Variants in FAM120A observed in about 807,000 individuals in gnomAD.
FAM120A encodes the protein family with sequence similarity 120 member A.
FAM120A carries 15 observed loss-of-function variants against 109.7 expected under a neutral mutation model. The ratio of observed to expected loss-of-function variants is 0.14; its 90% CI spans 0.09 to 0.21. FAM120A has a LOEUF of 0.21. FAM120A is among the 10% of genes least tolerant of loss of function. The probability of loss-of-function intolerance (pLI) is 1.00; values close to 1 mark genes in which losing one functional copy is unlikely to be tolerated. For missense variants in FAM120A, 899 were observed against 1,439.3 expected (o/e 0.62, Z 6.07); for synonymous variants, 493 against 572.8 (o/e 0.86, Z 1.99).
chr9:93,539,508 T>A (rs897823956), intron 10 of FAM120A, among the ~76,000 whole-genome samples: 1 of 152,208 alleles, frequency 6.6e-6, no homozygotes, highest in African/African-American at 2.4e-5. Flanking sequence ...TCTTACTGTT[T>A]TAATAAGACT....
chr9:93,476,162 T>A (rs534692780), intron 2 of FAM120A, 94 bp from the exon 3 acceptor site: 2 of 751,850 alleles, frequency 2.7e-6, no homozygotes, highest in Admixed American at 5.0e-5. Flanking sequence ...TGTTTGAAAG[T>A]TTTCTACTAT....
At chr9:93,562,790 G>A (rs953300114) in intron 17 of FAM120A, among the ~76,000 whole-genome samples, 2 of 150,250 alleles carry the variant, frequency 1.3e-5, no homozygotes, top group East Asian at 2.0e-4. Flanking sequence ...TCAGCCTCCC[G>A]AATAGCTGGG....
intron 2 of FAM120A, among the ~76,000 whole-genome samples, chr9:93,473,648 C>T (rs114173312): frequency 0.015 from 2,339 of 152,286 alleles, 69 homozygotes; most frequent in African/African-American, 0.054. Flanking sequence ...GAAAGCATTT[C>T]ATGTTTTACT....
chr9:93,546,322 T>C (rs1861888341), intron 11 of FAM120A, among the ~76,000 whole-genome samples: 1 of 152,184 alleles, frequency 6.6e-6, no homozygotes, highest in African/African-American at 2.4e-5. Context: ...CACCATATAC[T>C]TGACCTAAGG....
chr9:93,458,882 T>C (rs1857668924), intron 1 of FAM120A, among the ~76,000 whole-genome samples: 1 of 152,188 alleles, frequency 6.6e-6, no homozygotes. Flanking sequence ...CCAAATTCCT[T>C]ATTCAGACTT....
In FAM120A at chr9:93,492,180, G is replaced by GTA. The variant is rs370267515; in HGVS notation, c.805-5277_805-5276dup. ...TTATACAGGTTGTGTGTGTGTGTGT[G>GTA]TATATATATATATATGTATATATAG... On this transcript the variant is annotated intron_variant, in intron 3 of 17. Coordinates refer to ENST00000277165, the MANE Select transcript of FAM120A (RefSeq NM_014612.5). Among the ~76,000 whole-genome samples, 295 of 150,104 alleles carry GTA rather than the reference G, an allele frequency of 2.0e-3. 1 individual carries two copies. The highest frequency in any genetic ancestry group is 3.8e-3 in the African/African-American group (156 of 40,534).
chr9:93,453,466 C>T (rs1857384341), intron 1 of FAM120A: 2 of 985,486 alleles, frequency 2.0e-6, no homozygotes, highest in Non-Finnish European at 2.4e-6. Flanking sequence ...TCTTGACACT[C>T]GGTCTTCCAT....
chr9:93,478,091 A>G (rs374969947), intron 3 of FAM120A, among the ~76,000 whole-genome samples: 6 of 152,326 alleles, frequency 3.9e-5, no homozygotes, highest in African/African-American at 9.6e-5. Context: ...AGCTTGCTCC[A>G]TCACTTCCTA....
At chr9:93,554,750 T>C in intron 12 of FAM120A, among the ~76,000 whole-genome samples, 1 of 152,250 alleles carries the variant, frequency 6.6e-6, no homozygotes, top group South Asian at 2.1e-4. Context: ...TTTTGTGTTT[T>C]AACATTTGGA....
At chr9:93,541,071 G>A (rs1457139115) in intron 10 of FAM120A, among the ~76,000 whole-genome samples, 2 of 27,888 alleles carry the variant, frequency 7.2e-5, no homozygotes, top group Non-Finnish European at 1.7e-4. Flanking sequence ...TGTGGTATGT[G>A]TGTGGTGGGG....
At chr9:93,540,560 GCAAGA>G (rs1358028899) in intron 10 of FAM120A, among the ~76,000 whole-genome samples, 15 of 152,318 alleles carry the variant, frequency 9.8e-5, no homozygotes, top group African/African-American at 3.4e-4. Context: ...GAGTCCATCA[GCAAGA>G]GTCCAGTTTC....
chr9:93,527,311 C>A, intron 8 of FAM120A, 69 bp downstream of exon 8: 2 of 1,090,938 alleles, frequency 1.8e-6, no homozygotes, highest in South Asian at 1.3e-5. Flanking sequence ...TATTAGTGAT[C>A]AAATAGTGAA....
chr9:93,565,694 TAAAAA>T lies in FAM120A; in HGVS notation c.*1163_*1167del, dbSNP rs774263964. 1 of 140,654 alleles carries T rather than the reference TAAAAA, an allele frequency of 7.1e-6. No homozygotes were observed. The highest frequency in any genetic ancestry group is 1.6e-5 in the Non-Finnish European group (1 of 64,092). 8.7% of individuals were successfully genotyped at this position (140,654 alleles called of 1,614,324 possible). A position where few individuals can be genotyped will look rare whatever the true frequency, so the allele number is the denominator to read the frequency against. ...TCTGTGAAAAAAAACCCTTTGATCT[TAAAAA>T]AAAAAAAACCACCCCCCCCTTCTGT... On this transcript the variant is annotated 3_prime_UTR_variant, in exon 18 of 18. Coordinates refer to ENST00000277165, the MANE Select transcript of FAM120A (RefSeq NM_014612.5).
At chr9:93,460,579 C>G (rs1297723499) in intron 1 of FAM120A, among the ~76,000 whole-genome samples, 1 of 152,224 alleles carries the variant, frequency 6.6e-6, no homozygotes, top group African/African-American at 2.4e-5. Flanking sequence ...TCGTGATCCA[C>G]CCGCCCTGGC....
chr9:93,503,772 T>C (rs1354212102), intron 5 of FAM120A, among the ~76,000 whole-genome samples: 1 of 152,010 alleles, frequency 6.6e-6, no homozygotes, highest in Non-Finnish European at 1.5e-5. Flanking sequence ...AACAAATGTG[T>C]CACACCAATG....
chr9:93,558,500 C>A, intron 14 of FAM120A, 81 bp from the exon 15 acceptor site: 1 of 1,525,904 alleles, frequency 6.6e-7, no homozygotes, highest in Non-Finnish European at 8.9e-7. Flanking sequence ...GAGGCAGGGG[C>A]CACTCTGCCT....
chr9:93,519,580 G>A (rs185352920), intron 7 of FAM120A, among the ~76,000 whole-genome samples: 1 of 152,230 alleles, frequency 6.6e-6, no homozygotes, highest in East Asian at 1.9e-4. Context: ...AAATAGCGGA[G>A]GCGATTGGCC....
intron 7 of FAM120A, among the ~76,000 whole-genome samples, chr9:93,525,458 G>A (rs910587709): frequency 9.2e-5 from 14 of 152,168 alleles, no homozygotes; most frequent in African/African-American, 3.1e-4. Flanking sequence ...GTGGGTCTGC[G>A]TGGTTAATAA....
intron 2 of FAM120A, among the ~76,000 whole-genome samples, chr9:93,472,934 A>C (rs1469342146): frequency 1.3e-5 from 2 of 152,230 alleles, no homozygotes; most frequent in Non-Finnish European, 2.9e-5. Flanking sequence ...GCAGGGAAAG[A>C]TTAACTTTAA....
Sources: allele counts gnomAD v4.1 joint callset (sites outside exome capture counted in the v4.1 genomes callset), GRCh38; gene constraint gnomAD v4.1.1; transcripts MANE v1.5; gene names NCBI Gene and HGNC (gene_info 2026-07-23, HGNC 2026-07-21).